The following UBXN8 variants were observed in gnomAD, a reference collection of about 807,000 sequenced individuals.
UBXN8 encodes the protein UBX domain-containing protein 8.
A neutral mutation model predicts 32.1 loss-of-function variants in UBXN8; 27 were observed. The ratio of observed to expected loss-of-function variants is 0.84; its 90% CI spans 0.62 to 1.16. UBXN8 has a LOEUF of 1.16. UBXN8 is among the 50% of genes most tolerant of loss of function. The pLI, the probability that UBXN8 is intolerant of heterozygous loss-of-function variation, is 0.00. For missense variants in UBXN8, 306 were observed against 311.4 expected, an observed-to-expected ratio of 0.98 and a Z score of 0.13; for synonymous variants, 109 against 111.8, an observed-to-expected ratio of 0.98 and a Z score of 0.16.
At chr8:30,744,502 C>T (rs1055145480) in intron 1 of UBXN8, 2 of 598,792 alleles carry the variant, frequency 3.3e-6, no homozygotes, top group Non-Finnish European at 6.0e-6. Flanking sequence ...GCAAAGAGCA[C>T]AGGGGCAATC....
At chr8:30,736,278 G>T (rs1805068409) in intron 1 of UBXN8, among the ~76,000 whole-genome samples, 1 of 152,240 alleles carries the variant, frequency 6.6e-6, no homozygotes, top group South Asian at 2.1e-4. Context: ...GAGAAAACTG[G>T]ATACATCCTC....
intron 7 of UBXN8, 141 bp downstream of exon 7, chr8:30,763,488 C>G (rs968960930): frequency 2.5e-6 from 2 of 803,206 alleles, no homozygotes; most frequent in South Asian, 3.6e-5. Context: ...CCAGGTACTC[C>G]ACGTTGCAGA....
At position 30,756,910 on chromosome 8, in the gene UBXN8, T is replaced by C. The variant is rs534884074; in HGVS notation, c.528+23T>C. 1.3e-5 allele frequency: 21 copies of C among 1,613,342 alleles called. No individual in the cohort carries two copies. The East Asian group carries it at 1.8e-4, about 14-fold the overall frequency. ...GAGGTAAAGTACTTCATGCCTCTCATTGAATTGTGTCTGTGTGCAGTAGGA... is the reference window on the plus strand; with the variant it reads ...GAGGTAAAGTACTTCATGCCTCTCACTGAATTGTGTCTGTGTGCAGTAGGA... On this transcript the variant is annotated intron_variant, in intron 5 of 7. Transcript: ENST00000265616.
Position 30,766,614 on chromosome 8 carries a change from T to C in UBXN8, c.*220T>C. 1 of 304,756 alleles carries C rather than the reference T, an allele frequency of 3.3e-6. No homozygotes were observed. Among genetic ancestry groups the C allele is most frequent in the East Asian group, 5.8e-5 (1 of 17,134 alleles). 18.9% of individuals were successfully genotyped at this position (304,756 alleles called of 1,614,324 possible). A position where few individuals can be genotyped will look rare whatever the true frequency, so the allele number is the denominator to read the frequency against. ...TACAGTGTACCAAATGAGAATGAGG[T>C]TGAAATGTATGCAGTAAGGTACTCA... On this transcript the variant is annotated 3_prime_UTR_variant, in exon 8 of 8. Coordinates refer to ENST00000265616, the MANE Select transcript of UBXN8 (RefSeq NM_005671.4).
upstream of UBXN8, among the ~76,000 whole-genome samples, chr8:30,743,937 C>T (rs1805278351): frequency 6.6e-6 from 1 of 152,250 alleles, no homozygotes; most frequent in Non-Finnish European, 1.5e-5. Context: ...AGGGAGCCAC[C>T]GCTCTAGAGC....
chr8:30,763,448 T>C (rs2956010), intron 7 of UBXN8, 101 bp downstream of exon 7: 1,140,402 of 1,145,516 alleles, frequency 1, 567,811 homozygotes, highest in East Asian at 1. Flanking sequence ...GTCATCTGCA[T>C]CTCCCATCAG....
intron 5 of UBXN8, among the ~76,000 whole-genome samples, chr8:30,759,911 C>A (rs535429797): frequency 6.6e-6 from 1 of 150,970 alleles, no homozygotes; most frequent in African/African-American, 2.4e-5. Context: ...GAGCCAAGAT[C>A]GCGCCACTGC....
intron 1 of UBXN8, among the ~76,000 whole-genome samples, chr8:30,749,698 C>A (rs1425807277): frequency 6.6e-6 from 1 of 151,190 alleles, no homozygotes; most frequent in Admixed American, 6.6e-5. Flanking sequence ...CTCTGCCTCA[C>A]AGGTTCATGA....
chr8:30,762,025 T>G (rs1805847363), intron 6 of UBXN8, among the ~76,000 whole-genome samples: 1 of 151,454 alleles, frequency 6.6e-6, no homozygotes, highest in South Asian at 2.1e-4. Flanking sequence ...AGAACCTACT[T>G]CTTGGGGCTC....
chr8:30,742,174 A>G (rs1464235890), upstream of UBXN8, among the ~76,000 whole-genome samples: 1 of 152,218 alleles, frequency 6.6e-6, no homozygotes. Context: ...GAACTAGTCA[A>G]TATAATTAAT....
intron 4 of UBXN8, among the ~76,000 whole-genome samples, chr8:30,755,760 GA>G (rs34287599): frequency 0.02 from 1,792 of 88,928 alleles, 13 homozygotes; most frequent in South Asian, 0.036. Flanking sequence ...CCTTTCTCCA[GA>G]AAAAAAAAAA....
rs149486062 is a variant in UBXN8 at position 30,737,092 on chromosome 8, A to G, written c.622+3784A>G. Among the ~76,000 whole-genome samples the G allele has an allele frequency of 4.1e-3, 619 of 152,364 alleles. 2 individuals carry two copies. Among genetic ancestry groups the G allele is most frequent in the African/African-American group, 0.013 (546 of 41,586 alleles). ...TTTCATATATTTAGAAAAATAAGAAAAAAATCATAATTGCACCAGTCTAGC... is the reference window on the plus strand; with the variant it reads ...TTTCATATATTTAGAAAAATAAGAAGAAAATCATAATTGCACCAGTCTAGC... On this transcript the variant is annotated intron_variant, in intron 1 of 1. Coordinates refer to the UBXN8 transcript ENST00000522968.
intron 1 of UBXN8, among the ~76,000 whole-genome samples, chr8:30,736,155 A>G (rs1805066249): frequency 6.6e-6 from 1 of 152,260 alleles, no homozygotes; most frequent in African/African-American, 2.4e-5. Context: ...ATGAAAGATA[A>G]ACACTGAAGA....
upstream of UBXN8, among the ~76,000 whole-genome samples, chr8:30,731,570 A>G (rs1179421056): frequency 6.6e-6 from 1 of 152,164 alleles, no homozygotes; most frequent in East Asian, 1.9e-4. Flanking sequence ...AACGGGAGTC[A>G]TTATGACCCT....
At chr8:30,754,183 T>A (rs1586099391) in intron 3 of UBXN8, 1 of 197,882 alleles carries the variant, frequency 5.1e-6, no homozygotes, top group Admixed American at 5.9e-5. Context: ...GAGATGGCAG[T>A]GAGTGGAGAC....
upstream of UBXN8, among the ~76,000 whole-genome samples, chr8:30,742,385 A>G (rs1173320831): frequency 1.3e-5 from 2 of 152,084 alleles, no homozygotes; most frequent in East Asian, 1.9e-4. Flanking sequence ...GGGTCTCACT[A>G]TATCGCCCAG....
At chr8:30,760,106 G>A (rs1805790132) in intron 5 of UBXN8, among the ~76,000 whole-genome samples, 1 of 142,142 alleles carries the variant, frequency 7.0e-6, no homozygotes, top group Non-Finnish European at 1.5e-5. Context: ...CTGTCACCCA[G>A]GCCAGAATGC....
At position 30,754,504 on chromosome 8, in the gene UBXN8, C is replaced by T. The variant is rs144392942; in HGVS notation, c.283-161C>T. 1.2e-3 allele frequency: 1,022 copies of T among 874,008 alleles called. 5 individuals carry two copies. In the African/African-American group the frequency reaches 0.014, roughly 12 times the overall value. The allele number at this position is 874,008 out of a possible 1,614,324, so 54.1% of individuals were successfully genotyped here. On this transcript the variant is annotated intron_variant, in intron 3 of 7. Coordinates refer to ENST00000265616, the MANE Select transcript of UBXN8 (RefSeq NM_005671.4). Reference sequence around the variant, plus strand: ...CCTGTCCCGCTTGCTGTCCAGCTGTCGGCACGAGCCTCCCCACAACCAAGC... The same window carrying T: ...CCTGTCCCGCTTGCTGTCCAGCTGTTGGCACGAGCCTCCCCACAACCAAGC...
At chr8:30,729,848 C>T (rs1387780122), upstream of UBXN8, among the ~76,000 whole-genome samples, 1 of 152,198 alleles carries the variant, frequency 6.6e-6, no homozygotes, top group Non-Finnish European at 1.5e-5. Flanking sequence ...AGTCAGGACA[C>T]TCAGACCAGT....
Sources: allele counts gnomAD v4.1 joint callset (sites outside exome capture counted in the v4.1 genomes callset), GRCh38; gene constraint gnomAD v4.1.1; transcripts MANE v1.5; gene names NCBI Gene and HGNC (gene_info 2026-07-23, HGNC 2026-07-21).